SPIDR: variants seen among roughly 807,000 people sequenced by gnomAD.
SPIDR encodes DNA repair-scaffolding protein.
SPIDR carries 93 observed loss-of-function variants against 104.6 expected under a neutral mutation model. The observed-to-expected ratio is 0.89, with a 90% confidence interval of 0.75 to 1.06. The LOEUF is 1.06. Ranked by LOEUF, SPIDR falls within the 50% of genes least tolerant of loss-of-function variation. The probability of loss-of-function intolerance (pLI) is 0.00; values close to 1 mark genes in which losing one functional copy is unlikely to be tolerated. For missense variants in SPIDR, 1,154 were observed against 1,111.2 expected (o/e 1.04, Z -0.55); for synonymous variants, 431 against 416.9 (o/e 1.03, Z -0.41).
intron 8 of SPIDR, among the ~76,000 whole-genome samples, chr8:47,560,137 A>T (rs535642896): frequency 6.6e-6 from 1 of 152,260 alleles, no homozygotes; most frequent in East Asian, 1.9e-4. Context: ...CCCTGATATT[A>T]ACTCTTTGAC....
At chr8:47,310,886 G>C (rs182153811) in intron 5 of SPIDR, among the ~76,000 whole-genome samples, 1 of 152,188 alleles carries the variant, frequency 6.6e-6, no homozygotes, top group African/African-American at 2.4e-5. Context: ...CAAATCCAGA[G>C]TTTCTAAAAA....
intron 10 of SPIDR, among the ~76,000 whole-genome samples, chr8:47,627,540 A>G (rs2066376332): frequency 6.6e-6 from 1 of 152,142 alleles, no homozygotes; most frequent in Non-Finnish European, 1.5e-5. Context: ...AAACCAAAGT[A>G]CCCTAAGTGT....
At chr8:47,509,290 A>G (rs1275307554) in intron 8 of SPIDR, among the ~76,000 whole-genome samples, 2 of 152,228 alleles carry the variant, frequency 1.3e-5, no homozygotes, top group African/African-American at 4.8e-5. Flanking sequence ...TTGAGGCAGC[A>G]TCTGCAATGC....
chr8:47,624,525 A>G (rs1254180328), intron 10 of SPIDR, among the ~76,000 whole-genome samples: 2 of 152,224 alleles, frequency 1.3e-5, no homozygotes, highest in African/African-American at 4.8e-5. Flanking sequence ...GAAGAATCAA[A>G]GAGACGCAAT....
Position 47,476,325 on chromosome 8 carries a change from C to T in SPIDR, c.1097+35783C>T, listed in dbSNP as rs540704963. ...GTTTGTGATCGAGATTGGACAGGCT[C>T]CTTGATTGCCACGAATTCCCTTTTC... On this transcript the variant is annotated intron_variant, in intron 8 of 19. Coordinates refer to ENST00000297423, the MANE Select transcript of SPIDR (RefSeq NM_001080394.4). 3.9e-5 allele frequency among the ~76,000 whole-genome samples: 6 copies of T among 152,264 alleles called. No individual in the cohort carries two copies. The South Asian group carries it at 1.2e-3, about 32-fold the overall frequency.
chr8:47,674,094 A>G (rs962000256), intron 11 of SPIDR, among the ~76,000 whole-genome samples, 153 bp downstream of exon 11: 2 of 152,238 alleles, frequency 1.3e-5, no homozygotes, highest in Non-Finnish European at 2.9e-5. Context: ...AGTGGAATCT[A>G]TAAAGTATCT....
At chr8:47,260,930 G>A (rs988633055), upstream of SPIDR, 3 of 1,225,212 alleles carry the variant, frequency 2.4e-6, no homozygotes, top group African/African-American at 4.7e-5. Context: ...GCGCTGAGGA[G>A]GCGGTGCGCT....
At position 47,673,586 on chromosome 8, in the gene SPIDR, T is replaced by C. The variant is rs1258118372; in HGVS notation, c.1545-215T>C. On this transcript the variant is annotated intron_variant, in intron 10 of 19. Transcript: ENST00000297423. Reference sequence around the variant, plus strand: ...ACACATACAGAAAGGATATCTTGAATTCAACGTTTTTTTAATCCTGACTCA... The same window carrying C: ...ACACATACAGAAAGGATATCTTGAACTCAACGTTTTTTTAATCCTGACTCA... 9 of 613,272 alleles carry C rather than the reference T, an allele frequency of 1.5e-5. No homozygotes were observed. The East Asian group carries it at 2.9e-4, about 20-fold the overall frequency. The allele number at this position is 613,272 out of a possible 1,614,324, so 38.0% of individuals were successfully genotyped here.
At chr8:47,398,088 A>G (rs1225398734) in intron 6 of SPIDR, among the ~76,000 whole-genome samples, 1 of 152,194 alleles carries the variant, frequency 6.6e-6, no homozygotes, top group Non-Finnish European at 1.5e-5. Flanking sequence ...AAAGCGAAGA[A>G]GTTGTGGCCT....
chr8:47,324,483 T>C (rs1230823347), intron 5 of SPIDR, among the ~76,000 whole-genome samples: 2 of 152,248 alleles, frequency 1.3e-5, no homozygotes, highest in Admixed American at 1.3e-4. Context: ...TATGTTATTA[T>C]CTGTGCTGTG....
intron 8 of SPIDR, among the ~76,000 whole-genome samples, chr8:47,500,870 G>T (rs1366231639): frequency 6.6e-6 from 1 of 152,196 alleles, no homozygotes; most frequent in African/African-American, 2.4e-5. Context: ...TGGCTAGCCA[G>T]TTTTCCCAGC....
intron 10 of SPIDR, among the ~76,000 whole-genome samples, chr8:47,614,379 GC>G (rs2063995864): frequency 6.6e-6 from 1 of 152,066 alleles, no homozygotes; most frequent in Non-Finnish European, 1.5e-5. Context: ...GCACCACAAT[GC>G]CTGGCTAATT....
chr8:47,557,330 G>T (rs1200795644), intron 8 of SPIDR, among the ~76,000 whole-genome samples: 1 of 152,116 alleles, frequency 6.6e-6, no homozygotes, highest in Non-Finnish European at 1.5e-5. Context: ...CTGAACCCTA[G>T]GAACCTACGT....
intron 8 of SPIDR, among the ~76,000 whole-genome samples, chr8:47,507,770 G>C (rs542404248): frequency 6.6e-6 from 1 of 152,254 alleles, no homozygotes; most frequent in East Asian, 1.9e-4. Context: ...AATGTCAGCT[G>C]TTCATTCTCC....
chr8:47,471,726 G>T (rs1364985497), intron 8 of SPIDR, among the ~76,000 whole-genome samples: 3 of 152,282 alleles, frequency 2.0e-5, no homozygotes, highest in Non-Finnish European at 2.9e-5. Flanking sequence ...CAATAAAAAT[G>T]GATATAAAAA....
intron 10 of SPIDR, among the ~76,000 whole-genome samples, chr8:47,663,330 G>C (rs878997137): frequency 6.6e-6 from 1 of 152,182 alleles, no homozygotes; most frequent in Admixed American, 6.5e-5. Flanking sequence ...TTGCACACTT[G>C]TGTGTGATTG....
intron 8 of SPIDR, among the ~76,000 whole-genome samples, chr8:47,488,124 AAG>A (rs2078016562): frequency 6.6e-6 from 1 of 152,190 alleles, no homozygotes; most frequent in Non-Finnish European, 1.5e-5. Flanking sequence ...CTAATAAGAA[AAG>A]AGAGAAGAAT....
intron 11 of SPIDR, among the ~76,000 whole-genome samples, chr8:47,682,355 A>G (rs1467310219): frequency 6.6e-6 from 1 of 151,768 alleles, no homozygotes; most frequent in East Asian, 1.9e-4. Flanking sequence ...GAGACAGCAG[A>G]TGGGCTGCCA....
intron 19 of SPIDR, among the ~76,000 whole-genome samples, chr8:47,733,984 C>T (rs2085721145): frequency 6.6e-6 from 1 of 152,090 alleles, no homozygotes; most frequent in Non-Finnish European, 1.5e-5. Context: ...AATCAAAGTC[C>T]CCCCACGAGT....
Sources: gnomAD v4.1 joint callset for allele counts (sites outside exome capture counted in the v4.1 genomes callset) on GRCh38, gnomAD v4.1.1 for gene constraint, MANE v1.5 for transcripts, NCBI Gene and HGNC (gene_info 2026-07-23, HGNC 2026-07-21) for gene names.